Variants in CSNK1G1 observed in about 807,000 individuals in gnomAD.
The protein encoded by CSNK1G1 is casein kinase I isoform gamma-1.
CSNK1G1 carries 22 observed loss-of-function variants against 59.6 expected under a neutral mutation model. That is an observed-to-expected ratio of 0.37 (90% confidence interval 0.26 to 0.53). The LOEUF is 0.53. CSNK1G1 is among the 20% of genes least tolerant of loss of function. The pLI is 0.89. For synonymous variants in CSNK1G1, 179 were observed against 177.1 expected, an observed-to-expected ratio of 1.01 and a Z score of -0.08; for missense variants, 384 against 519.5, an observed-to-expected ratio of 0.74 and a Z score of 2.54.
intron 1 of CSNK1G1, chr15:64,315,850 T>C (rs1394596947): frequency 1.3e-5 from 2 of 152,178 alleles, no homozygotes; most frequent in African/African-American, 4.8e-5. Context: ...AGACTTAAAA[T>C]TTCTTCTAAC....
At chr15:64,270,799 A>G (rs1893258028) in intron 2 of CSNK1G1, among the ~76,000 whole-genome samples, 1 of 150,326 alleles carries the variant, frequency 6.7e-6, no homozygotes, top group Non-Finnish European at 1.5e-5. Flanking sequence ...TGTCCCAGAG[A>G]CTCTGGTATG....
In CSNK1G1 at chr15:64,300,536, T is replaced by G; in HGVS notation, c.-37A>C. 3 of 1,593,176 alleles carry G rather than the reference T, an allele frequency of 1.9e-6. No homozygotes were observed. The highest frequency in any genetic ancestry group is 2.6e-6 in the Non-Finnish European group (3 of 1,168,382). On this transcript the variant is annotated 5_prime_UTR_variant, in exon 2 of 12. Transcript: ENST00000303052. ...ACAGAGTCTCCTATAGTACAGCAAG[T>G]AGCTTCAGTATGTATACCTCTCTTC...
chr15:64,238,226 T>C (rs2082641248), intron 4 of CSNK1G1, among the ~76,000 whole-genome samples: 1 of 151,880 alleles, frequency 6.6e-6, no homozygotes. Flanking sequence ...AATGTGTGGA[T>C]GGCTCTAGGA....
chr15:64,193,879 C>G (rs1191475596), intron 10 of CSNK1G1: 2 of 152,170 alleles, frequency 1.3e-5, no homozygotes. Context: ...CACCAAGTTT[C>G]CTCCTACAAG....
rs943874179 is a variant in CSNK1G1 at position 64,214,309 on chromosome 15, C to T, written c.445-185G>A. On this transcript the variant is annotated intron_variant, in intron 5 of 11. Coordinates refer to ENST00000303052, the MANE Select transcript of CSNK1G1 (RefSeq NM_022048.5). The surrounding 1 kb of genome is among the most constrained non-coding windows in gnomAD (Gnocchi z 4.3). Reference sequence around the variant, plus strand: ...AAATATTTTGCTATAAATACGTACACAACAAATATCAAGACTAGGAAAAAA... The same window carrying T: ...AAATATTTTGCTATAAATACGTACATAACAAATATCAAGACTAGGAAAAAA... 2.0e-5 allele frequency among the ~76,000 whole-genome samples: 3 copies of T among 152,134 alleles called. No homozygotes were observed. Among genetic ancestry groups the T allele is most frequent in the Admixed American group, 2.0e-4 (3 of 15,276 alleles).
chr15:64,179,789 A>G (rs2081787569), intron 11 of CSNK1G1, among the ~76,000 whole-genome samples: 1 of 152,130 alleles, frequency 6.6e-6, no homozygotes, highest in Admixed American at 6.5e-5. Flanking sequence ...GTGTGGGGCA[A>G]CCTCCTTACC....
intron 2 of CSNK1G1, among the ~76,000 whole-genome samples, chr15:64,294,365 C>T (rs1255792444): frequency 1.3e-5 from 2 of 152,076 alleles, no homozygotes; most frequent in Non-Finnish European, 2.9e-5. Context: ...TGAGGCACCA[C>T]GCCCAGCCAT....
chr15:64,245,156 A>T (rs1891684028), intron 4 of CSNK1G1, among the ~76,000 whole-genome samples: 1 of 152,216 alleles, frequency 6.6e-6, no homozygotes, highest in Non-Finnish European at 1.5e-5. Context: ...TACTAGAATA[A>T]AACATTGGGG....
Position 64,165,683 on chromosome 15 carries a change from G to A in CSNK1G1, c.*6248C>T, listed in dbSNP as rs1044138888. On this transcript the variant is annotated 3_prime_UTR_variant, in exon 12 of 12. Coordinates refer to ENST00000303052, the MANE Select transcript of CSNK1G1 (RefSeq NM_022048.5). ...CTAGATTGTTAATTACAAATGAGCCGAGGGAGATTAAAAACAGACAAACCA... is the reference window on the plus strand; with the variant it reads ...CTAGATTGTTAATTACAAATGAGCCAAGGGAGATTAAAAACAGACAAACCA... 11 of 205,682 alleles carry A rather than the reference G, an allele frequency of 5.3e-5. No homozygotes were observed. The highest frequency in any genetic ancestry group is 1.7e-3 in the Middle Eastern group (1 of 590). 12.7% of individuals were successfully genotyped at this position (205,682 alleles called of 1,614,324 possible).
intron 2 of CSNK1G1, among the ~76,000 whole-genome samples, chr15:64,273,267 A>T (rs1204773620): frequency 6.6e-6 from 1 of 152,182 alleles, no homozygotes; most frequent in Non-Finnish European, 1.5e-5. Context: ...CTACCCCATA[A>T]GCATGTACAA....
intron 10 of CSNK1G1, chr15:64,182,052 C>CTTTTTTT (rs1567358672): frequency 9.3e-5 from 11 of 118,370 alleles, no homozygotes; most frequent in African/African-American, 4.6e-4. Flanking sequence ...ATTAGTAACC[C>CTTTTTTT]GTTTTTTTTT....
intron 11 of CSNK1G1, among the ~76,000 whole-genome samples, chr15:64,177,238 A>C (rs2081751646): frequency 6.6e-6 from 1 of 152,196 alleles, no homozygotes; most frequent in African/African-American, 2.4e-5. Flanking sequence ...GGTGTGTCTC[A>C]ATATAAGCAT....
intron 1 of CSNK1G1, among the ~76,000 whole-genome samples, chr15:64,308,326 T>A (rs1196088618): frequency 1.3e-5 from 2 of 152,160 alleles, no homozygotes; most frequent in Non-Finnish European, 1.5e-5. Flanking sequence ...CTCAAACTCC[T>A]GGGTTCAAGA....
At chr15:64,243,783 T>G (rs1282599937) in intron 4 of CSNK1G1, among the ~76,000 whole-genome samples, 2 of 152,104 alleles carry the variant, frequency 1.3e-5, no homozygotes, top group Non-Finnish European at 2.9e-5. Context: ...GGCAGGAGGA[T>G]CACTTGAGCC....
At chr15:64,239,952 A>C (rs1427071819) in intron 4 of CSNK1G1, among the ~76,000 whole-genome samples, 1 of 152,184 alleles carries the variant, frequency 6.6e-6, no homozygotes, top group Non-Finnish European at 1.5e-5. Context: ...AAACAAAATA[A>C]GGCGGGAGCA....
intron 3 of CSNK1G1, among the ~76,000 whole-genome samples, chr15:64,254,425 C>T (rs986954613): frequency 2.0e-5 from 3 of 149,448 alleles, no homozygotes; most frequent in African/African-American, 7.5e-5. Context: ...ATGATATTGG[C>T]TCACCACGAC....
At chr15:64,266,779 TA>T (rs1352727670) in intron 2 of CSNK1G1, among the ~76,000 whole-genome samples, 6 of 152,160 alleles carry the variant, frequency 3.9e-5, no homozygotes, top group African/African-American at 1.4e-4. Flanking sequence ...GTCTCTTCAA[TA>T]AATGGTACTA....
At chr15:64,191,804 A>T (rs2081975901) in intron 10 of CSNK1G1, among the ~76,000 whole-genome samples, 1 of 152,236 alleles carries the variant, frequency 6.6e-6, no homozygotes, top group Non-Finnish European at 1.5e-5. Context: ...TGTTGAAAAC[A>T]TCAAAACTAA....
At chr15:64,197,693 C>A (rs536352895) in intron 10 of CSNK1G1, among the ~76,000 whole-genome samples, 4 of 152,164 alleles carry the variant, frequency 2.6e-5, no homozygotes, top group African/African-American at 9.7e-5. Context: ...ATGTTTGCTG[C>A]CAGACTAGTA....
Sources: allele counts gnomAD v4.1 joint callset (sites outside exome capture counted in the v4.1 genomes callset), GRCh38; gene constraint gnomAD v4.1.1; non-coding constraint Gnocchi (gnomAD v3.1); transcripts MANE v1.5; gene names NCBI Gene and HGNC (gene_info 2026-07-23, HGNC 2026-07-21).